The following SLC30A8 variants were observed in gnomAD, a reference collection of about 807,000 sequenced individuals.
SLC30A8 encodes proton-coupled zinc antiporter SLC30A8.
A neutral mutation model predicts 36.9 loss-of-function variants in SLC30A8; 27 were observed. The observed-to-expected ratio is 0.73, with a 90% CI of 0.54 to 1.01. The LOEUF is 1.01. Among genes scored for constraint, SLC30A8 ranks in the 50% least tolerant of loss-of-function variants. The pLI is 0.00. For missense variants in SLC30A8, 439 were observed against 452.0 expected (o/e 0.97, Z 0.26); for synonymous variants, 164 against 172.4 (o/e 0.95, Z 0.38).
Position 117,171,089 on chromosome 8 carries a change from C to A in SLC30A8, c.885C>A (p.Asp295Glu), listed in dbSNP as rs147372406. The A allele has an allele frequency of 1.5e-4, 245 of 1,612,008 alleles. 1 individual carries two copies. In the African/African-American group the frequency reaches 2.7e-3, roughly 18 times the overall value. ...SGVKELILAVDGVLSVHSLHI... is the reference protein window; with the variant it reads ...SGVKELILAVEGVLSVHSLHI... The stretch of plus-strand genomic sequence containing the variant: ...TGAAAGAGCTTATTTTAGCAGTCGA[C>A]GGGGTGCTGTCTGTGCACAGCCTGC... Residue 295 changes from aspartate (D) to glutamate (E), a missense_variant, in exon 7 of 8, where the codon GAC becomes GAA. Physicochemically the swap from Asp to Glu is conservative, Grantham distance 45. Transcript: ENST00000456015.
intron 1 of SLC30A8, among the ~76,000 whole-genome samples, chr8:117,031,133 C>T (rs1817031210): frequency 6.6e-6 from 1 of 152,192 alleles, no homozygotes; most frequent in Non-Finnish European, 1.5e-5. Context: ...AGTATCAGAT[C>T]AGTTTGACTT....
chr8:117,058,439 T>C (rs560308749), intron 2 of SLC30A8, among the ~76,000 whole-genome samples: 4 of 152,244 alleles, frequency 2.6e-5, no homozygotes, highest in Non-Finnish European at 4.4e-5. Flanking sequence ...TGGTGTCATA[T>C]CAAAAAAATC....
At chr8:117,171,568 G>A (rs899501885) in intron 7 of SLC30A8, among the ~76,000 whole-genome samples, 1 of 152,080 alleles carries the variant, frequency 6.6e-6, no homozygotes, top group African/African-American at 2.4e-5. Flanking sequence ...CTGAAAATAG[G>A]AAGATGAAAG....
At chr8:117,095,108 G>T (rs1341646224) in intron 2 of SLC30A8, among the ~76,000 whole-genome samples, 2 of 152,192 alleles carry the variant, frequency 1.3e-5, no homozygotes, top group African/African-American at 4.8e-5. Context: ...TGCAGCCATG[G>T]CTTAGGTGGC....
chr8:117,091,894 G>C (rs1479958263), intron 2 of SLC30A8, among the ~76,000 whole-genome samples: 1 of 152,180 alleles, frequency 6.6e-6, no homozygotes, highest in Non-Finnish European at 1.5e-5. Flanking sequence ...ATATAGCATA[G>C]AGAAAATGCA....
chr8:117,013,976 T>C (rs988610604), intron 1 of SLC30A8, among the ~76,000 whole-genome samples: 5 of 152,222 alleles, frequency 3.3e-5, no homozygotes, highest in Non-Finnish European at 5.9e-5. Context: ...AATCTTTAAC[T>C]TAGAATATTT....
intron 2 of SLC30A8, among the ~76,000 whole-genome samples, chr8:117,101,362 T>A (rs1371254037): frequency 6.6e-6 from 1 of 152,142 alleles, no homozygotes; most frequent in Non-Finnish European, 1.5e-5. Flanking sequence ...TGTCTCAGTG[T>A]ACATAAGCAT....
chr8:117,011,364 A>C (rs779670423), intron 1 of SLC30A8, among the ~76,000 whole-genome samples: 2 of 152,208 alleles, frequency 1.3e-5, no homozygotes, highest in Non-Finnish European at 2.9e-5. Context: ...TGCCTGAATG[A>C]AACTTATCAT....
At chr8:117,046,716 A>C (rs755783448) in intron 2 of SLC30A8, among the ~76,000 whole-genome samples, 2 of 152,156 alleles carry the variant, frequency 1.3e-5, no homozygotes, top group Non-Finnish European at 2.9e-5. Context: ...CCTTCTCTCA[A>C]GATCTTTCTC....
chr8:117,116,803 C>T (rs1370029747), intron 2 of SLC30A8, among the ~76,000 whole-genome samples: 1 of 151,984 alleles, frequency 6.6e-6, no homozygotes, highest in African/African-American at 2.4e-5. Flanking sequence ...GAGACAGTGA[C>T]TTCATATGTT....
At chr8:117,118,120 C>G (rs1290809633) in intron 2 of SLC30A8, among the ~76,000 whole-genome samples, 1 of 149,948 alleles carries the variant, frequency 6.7e-6, no homozygotes, top group Non-Finnish European at 1.5e-5. Flanking sequence ...GCAAATTTAA[C>G]TCAGAAACAT....
chr8:117,035,828 G>T (rs1259884862), intron 1 of SLC30A8, among the ~76,000 whole-genome samples: 2 of 152,208 alleles, frequency 1.3e-5, no homozygotes, highest in Admixed American at 6.5e-5. Context: ...AAGCTGCCAA[G>T]GCTTGGAGCT....
In SLC30A8 at chr8:116,959,968, G is replaced by A. The variant is rs150045980; in HGVS notation, c.-266+8849G>A. On this transcript the variant is annotated intron_variant, in intron 1 of 10. Coordinates refer to the SLC30A8 transcript ENST00000427715. ...AATCTTTAGCTTCGTTGGTCATCAT[G>A]CTCTCAACTCTATCTCTTCAACTCA... 4.0e-4 allele frequency among the ~76,000 whole-genome samples: 61 copies of A among 152,290 alleles called. No individual in the cohort carries two copies. The East Asian group carries it at 0.01, about 26-fold the overall frequency.
chr8:117,126,130 C>CA (rs898828737), intron 2 of SLC30A8, among the ~76,000 whole-genome samples: 1 of 151,674 alleles, frequency 6.6e-6, no homozygotes, highest in African/African-American at 2.4e-5. Context: ...TTTTTTATGG[C>CA]AAAAAACGTC....
chr8:117,127,768 A>C (rs1820967663), intron 2 of SLC30A8, among the ~76,000 whole-genome samples: 1 of 151,936 alleles, frequency 6.6e-6, no homozygotes, highest in East Asian at 1.9e-4. Context: ...TCTAATTTTT[A>C]GTGTTGATGC....
chr8:116,984,558 C>T (rs917719926), intron 1 of SLC30A8, among the ~76,000 whole-genome samples: 4 of 151,956 alleles, frequency 2.6e-5, no homozygotes, highest in East Asian at 1.9e-4. Flanking sequence ...TGATGTTAAA[C>T]GTCTTCTCAT....
chr8:116,957,827 A>C (rs994173978), intron 1 of SLC30A8, among the ~76,000 whole-genome samples: 1 of 152,174 alleles, frequency 6.6e-6, no homozygotes, highest in Non-Finnish European at 1.5e-5. Flanking sequence ...GAAAACAGGA[A>C]GTATCTGGGG....
intron 2 of SLC30A8, among the ~76,000 whole-genome samples, chr8:117,113,418 C>T (rs114154413): frequency 0.024 from 3,630 of 152,164 alleles, 106 homozygotes; most frequent in African/African-American, 0.065. Context: ...CTTCCTCCCT[C>T]ATGTATTATT....
chr8:116,995,396 C>T (rs1383660166), intron 1 of SLC30A8, among the ~76,000 whole-genome samples: 2 of 152,160 alleles, frequency 1.3e-5, no homozygotes, highest in Non-Finnish European at 2.9e-5. Context: ...TATTTCATGG[C>T]CACACCTCAC....
Sources: allele counts gnomAD v4.1 joint callset (sites outside exome capture counted in the v4.1 genomes callset), GRCh38; gene constraint gnomAD v4.1.1; transcripts MANE v1.5; gene names NCBI Gene and HGNC (gene_info 2026-07-23, HGNC 2026-07-21).